RAPGEF4: variants seen among roughly 807,000 people sequenced by gnomAD.
RAPGEF4 encodes Rap guanine nucleotide exchange factor 4.
In RAPGEF4, 66 loss-of-function variants were observed where a neutral mutation model predicts 147.9. The observed-to-expected ratio is 0.45, with a 90% CI of 0.37 to 0.55. The LOEUF (loss-of-function observed/expected upper bound fraction) is 0.55, where lower values mean the gene tolerates loss of function less well. Among genes scored for constraint, RAPGEF4 ranks in the 20% least tolerant of loss-of-function variants. RAPGEF4 has a pLI of 0.00. For missense variants in RAPGEF4, 1,071 were observed against 1,257.3 expected, an observed-to-expected ratio of 0.85 and a Z score of 2.24; for synonymous variants, 419 against 442.7, an observed-to-expected ratio of 0.95 and a Z score of 0.67.
In RAPGEF4 at chr2:172,988,743, A is replaced by G. The variant is rs1692524468; in HGVS notation, c.1278A>G (p.Leu426=). The change falls in exon 14 of 31, where the codon CTA becomes CTG. Residue 426 remains leucine, a synonymous_variant. Coordinates refer to ENST00000397081, the MANE Select transcript of RAPGEF4 (RefSeq NM_007023.4). ...HEGDDFGKLA[L]VNDAPRAASI... is the part of the protein sequence containing the mutation. ...GAGATGACTTCGGCAAGTTAGCACT[A>G]GTGAATGATGCCCCACGAGCTGCCT... 2 of 1,612,066 alleles carry G rather than the reference A, an allele frequency of 1.2e-6. No homozygotes were observed.
intron 5 of RAPGEF4, among the ~76,000 whole-genome samples, chr2:172,919,619 C>T (rs985415789): frequency 6.6e-6 from 1 of 152,140 alleles, no homozygotes; most frequent in African/African-American, 2.4e-5. Context: ...GCATCCTTTC[C>T]TGCAACTGAT....
chr2:172,910,438 GTC>G lies in RAPGEF4; in HGVS notation c.445-7360_445-7359del, dbSNP rs1165636655. On this transcript the variant is annotated intron_variant, in intron 4 of 30. Transcript: ENST00000397081. ...CAGATCTTCCAATTGCATATATTTA[GTC>G]TCTACTATTCCTTTTATCTATTGTC... 2.6e-5 allele frequency among the ~76,000 whole-genome samples: 4 copies of G among 152,276 alleles called. No individual in the cohort carries two copies. In the East Asian group the frequency reaches 7.7e-4, roughly 29 times the overall value.
chr2:172,825,708 A>G (rs1040526441), intron 4 of RAPGEF4, among the ~76,000 whole-genome samples: 1 of 152,226 alleles, frequency 6.6e-6, no homozygotes, highest in African/African-American at 2.4e-5. Flanking sequence ...CATAATATTT[A>G]AAGTACATAC....
chr2:172,794,721 A>G (rs17704262), intron 1 of RAPGEF4, among the ~76,000 whole-genome samples: 2,271 of 152,220 alleles, frequency 0.015, 19 homozygotes, highest in South Asian at 0.03. Flanking sequence ...CTGCATTTTC[A>G]TGTATCTTGT....
intron 6 of RAPGEF4, among the ~76,000 whole-genome samples, chr2:172,960,551 A>G (rs189699303): frequency 3.2e-4 from 49 of 152,264 alleles, no homozygotes; most frequent in Non-Finnish European, 5.7e-4. Flanking sequence ...GTAATAATTT[A>G]TATTTAAATG....
intron 15 of RAPGEF4, 130 bp from the exon 16 acceptor site, chr2:172,996,336 C>G (rs1054588547): frequency 6.9e-5 from 36 of 520,506 alleles, no homozygotes; most frequent in Non-Finnish European, 1.1e-4. Flanking sequence ...TGTGTGGTCT[C>G]TCTTACCATG....
intron 1 of RAPGEF4, among the ~76,000 whole-genome samples, chr2:172,775,858 A>G (rs1232777685): frequency 6.6e-6 from 1 of 152,202 alleles, no homozygotes; most frequent in Non-Finnish European, 1.5e-5. Flanking sequence ...ATTTGACTAT[A>G]TCCTAAGGTG....
chr2:173,036,493 T>C, intron 28 of RAPGEF4, 135 bp from the exon 29 acceptor site: 1 of 720,830 alleles, frequency 1.4e-6, no homozygotes. Flanking sequence ...CACCTAGCAT[T>C]AAAGGAACTA....
chr2:172,899,637 A>T (rs997168278), intron 4 of RAPGEF4, among the ~76,000 whole-genome samples: 4 of 152,178 alleles, frequency 2.6e-5, no homozygotes, highest in Non-Finnish European at 5.9e-5. Flanking sequence ...GACTTGACTT[A>T]TGATGGCATT....
chr2:173,039,462 CAA>C (rs758124973), intron 29 of RAPGEF4, among the ~76,000 whole-genome samples: 17 of 119,926 alleles, frequency 1.4e-4, no homozygotes, highest in South Asian at 2.7e-4. Context: ...GACTCTGTCT[CAA>C]AAAAAAAAAA....
At chr2:172,973,217 G>A (rs1690696382) in intron 10 of RAPGEF4, among the ~76,000 whole-genome samples, 1 of 151,380 alleles carries the variant, frequency 6.6e-6, no homozygotes, top group South Asian at 2.1e-4. Context: ...AGCTCAAGTG[G>A]TGCTCCCACC....
In RAPGEF4 at chr2:172,960,981, A is replaced by T. The variant is rs1689230164; in HGVS notation, c.592-141A>T. 8.6e-6 allele frequency: 7 copies of T among 817,988 alleles called. No homozygotes were observed. In the South Asian group the frequency reaches 9.9e-5, roughly 12 times the overall value. 50.7% of individuals were successfully genotyped at this position (817,988 alleles called of 1,614,324 possible). A position where few individuals can be genotyped will look rare whatever the true frequency, so the allele number is the denominator to read the frequency against. ...ACATAAACCAGTGACATATCACACA[A>T]GTGAACAAAGTAAAGCACTGAGTGA... On this transcript the variant is annotated intron_variant, in intron 7 of 30. Coordinates refer to ENST00000397081, the MANE Select transcript of RAPGEF4 (RefSeq NM_007023.4).
At chr2:173,014,415 T>C (rs780439476) in intron 17 of RAPGEF4, 49 bp from the exon 18 acceptor site, 11 of 1,609,554 alleles carry the variant, frequency 6.8e-6, no homozygotes, top group African/African-American at 1.3e-5. Context: ...GAAAGTAGCA[T>C]GTGAAATGAG....
intron 4 of RAPGEF4, among the ~76,000 whole-genome samples, chr2:172,870,242 C>T (rs1322534495): frequency 7.2e-5 from 11 of 152,114 alleles, no homozygotes; most frequent in Admixed American, 3.3e-4. Context: ...CATCATGACC[C>T]GGTACACTAT....
intron 29 of RAPGEF4, among the ~76,000 whole-genome samples, chr2:173,046,822 G>A (rs913509234): frequency 2.6e-5 from 4 of 152,170 alleles, no homozygotes; most frequent in Admixed American, 1.3e-4. Context: ...ATCCAATGCA[G>A]GTACATGTCA....
intron 29 of RAPGEF4, among the ~76,000 whole-genome samples, chr2:173,037,006 G>A (rs996808469): frequency 6.6e-6 from 1 of 152,118 alleles, no homozygotes; most frequent in Admixed American, 6.5e-5. Flanking sequence ...TTGCTATAAC[G>A]TTTGTGGAGC....
At position 172,846,355 on chromosome 2, in the gene RAPGEF4, C is replaced by G. The variant is rs549467357; in HGVS notation, c.444+31930C>G. On this transcript the variant is annotated intron_variant, in intron 4 of 30. Coordinates refer to ENST00000397081, the MANE Select transcript of RAPGEF4 (RefSeq NM_007023.4). ...AATCATATGACATGTCGTCTTGCAT[C>G]TGGCTCCTTTCCCTGAGCATAAGGT... 2.0e-5 allele frequency among the ~76,000 whole-genome samples: 3 copies of G among 152,350 alleles called. No individual in the cohort carries two copies. The South Asian group carries it at 6.2e-4, about 32-fold the overall frequency.
At chr2:173,001,967 A>G (rs1693964533) in intron 17 of RAPGEF4, among the ~76,000 whole-genome samples, 1 of 130,308 alleles carries the variant, frequency 7.7e-6, no homozygotes, top group South Asian at 2.6e-4. Flanking sequence ...AGTGTGAACC[A>G]GCTTACCACA....
intron 29 of RAPGEF4, among the ~76,000 whole-genome samples, chr2:173,044,408 T>C (rs1445602256): frequency 6.6e-6 from 1 of 152,170 alleles, no homozygotes; most frequent in Non-Finnish European, 1.5e-5. Flanking sequence ...ATCTTCTACC[T>C]CCACTCTGCA....
Sources: allele counts gnomAD v4.1 joint callset (sites outside exome capture counted in the v4.1 genomes callset), GRCh38; gene constraint gnomAD v4.1.1; transcripts MANE v1.5; gene names NCBI Gene and HGNC (gene_info 2026-07-23, HGNC 2026-07-21).